CLIP2: variants seen among roughly 807,000 people sequenced by gnomAD.
CLIP2 encodes the protein CAP-Gly domain-containing linker protein 2.
Under a neutral mutation model 111.7 loss-of-function variants are expected in CLIP2, and 41 were observed. That is an observed-to-expected ratio of 0.37 (90% CI 0.29 to 0.48). CLIP2 has a LOEUF of 0.48. Among genes scored for constraint, CLIP2 ranks in the 20% least tolerant of loss-of-function variants. The pLI is 0.99. For missense variants in CLIP2, 1,160 were observed against 1,422.1 expected (o/e 0.82, Z 2.96); for synonymous variants, 660 against 644.2 (o/e 1.02, Z -0.37).
At chr7:74,341,570 C>T (rs924361793) in intron 3 of CLIP2, among the ~76,000 whole-genome samples, 1 of 151,910 alleles carries the variant, frequency 6.6e-6, no homozygotes, top group East Asian at 1.9e-4. Flanking sequence ...CCTGCCCTGG[C>T]CATGGTGAGG....
Position 74,376,792 on chromosome 7 carries a change from C to G in CLIP2, c.2391C>G (p.Val797=). 4 of 1,605,792 alleles carry G rather than the reference C, an allele frequency of 2.5e-6. No homozygotes were observed. Among genetic ancestry groups the G allele is most frequent in the South Asian group, 2.2e-5 (2 of 89,510 alleles). The change falls in exon 10 of 17, where the codon GTC becomes GTG. Residue 797 remains valine (V), a synonymous_variant. Transcript: ENST00000223398. This position sits in a 1 kb window ranked among gnomAD's most constrained non-coding sequence, Gnocchi z 7.1. ...LLVAENRLQA[V]EALCSSQHTH... is the part of the protein sequence containing the mutation. ...TGGCTGAGAACAGACTCCAGGCGGT[C>G]GAGGCCCTGTGCTCCTCCCAGCACA...
At chr7:74,309,018 C>A (rs1182351251) in intron 1 of CLIP2, among the ~76,000 whole-genome samples, 1 of 151,966 alleles carries the variant, frequency 6.6e-6, no homozygotes, top group Non-Finnish European at 1.5e-5. Context: ...CAGGCATGCA[C>A]CACCACACCT....
chr7:74,306,707 C>T (rs1246207526), intron 1 of CLIP2, among the ~76,000 whole-genome samples: 1 of 152,188 alleles, frequency 6.6e-6, no homozygotes, highest in Admixed American at 6.5e-5. Flanking sequence ...ACCCCGCCCT[C>T]GCCTGTCCGT....
intron 6 of CLIP2, among the ~76,000 whole-genome samples, chr7:74,359,504 C>T (rs1790257460): frequency 6.6e-6 from 1 of 151,804 alleles, no homozygotes; most frequent in East Asian, 1.9e-4. Context: ...CAGGAGCCCA[C>T]CACCACGCCC....
At chr7:74,352,027 C>T (rs554791041) in intron 3 of CLIP2, among the ~76,000 whole-genome samples, 4 of 152,128 alleles carry the variant, frequency 2.6e-5, no homozygotes, top group Admixed American at 6.6e-5. Flanking sequence ...GAGTGGGTCC[C>T]GGGAGAGACA....
At chr7:74,390,213 G>GAA (rs1174792363) in intron 13 of CLIP2, among the ~76,000 whole-genome samples, 2 of 95,978 alleles carry the variant, frequency 2.1e-5, no homozygotes, top group African/African-American at 7.7e-5. Flanking sequence ...AAGAAAGAAA[G>GAA]AAAGAAAGAA....
intron 2 of CLIP2, among the ~76,000 whole-genome samples, chr7:74,323,081 T>TTTTATTTATTTATTTA (rs58819810): frequency 6.9e-6 from 1 of 144,834 alleles, no homozygotes; most frequent in East Asian, 2.0e-4. Context: ...TTTAGCTATG[T>TTTTATTTATTTATTTA]TTTATTTATT....
Position 74,360,583 on chromosome 7 carries a change from C to T in CLIP2, c.1319+305C>T, listed in dbSNP as rs111282182. The stretch of plus-strand genomic sequence containing the variant: ...AAAATTTTTTTGAAACAGGGTCTCA[C>T]TCTGTCACCCAGGCTGGAGTACAGA... On this transcript the variant is annotated intron_variant, in intron 7 of 16. Transcript: ENST00000223398. Among the ~76,000 whole-genome samples the T allele has an allele frequency of 3.7e-3, 568 of 152,260 alleles. 2 individuals are homozygous for T. Among genetic ancestry groups the T allele is most frequent in the African/African-American group, 0.013 (549 of 41,546 alleles).
intron 6 of CLIP2, 111 bp downstream of exon 6, chr7:74,357,588 A>T: frequency 1.1e-6 from 1 of 931,736 alleles, no homozygotes; most frequent in Non-Finnish European, 1.6e-6. Context: ...TATGAAGATA[A>T]CACAAGCAGT....
chr7:74,357,318 G>T lies in CLIP2; in HGVS notation c.1056G>T (p.Ser352=), dbSNP rs781789814. 2 of 1,614,068 alleles carry T rather than the reference G, an allele frequency of 1.2e-6. No homozygotes were observed. Among genetic ancestry groups the T allele is most frequent in the East Asian group, 4.5e-5 (2 of 44,878 alleles). Residue 352 remains serine (S), a synonymous_variant, in exon 6 of 17, where the codon TCG becomes TCT. Coordinates refer to ENST00000223398, the MANE Select transcript of CLIP2 (RefSeq NM_003388.5). ...ETSSRYARKI[S]GTTALQEALK... is the part of the protein sequence containing the mutation. ...CTTCACGCTACGCCCGCAAGATCTCGGGCACCACGGCCTTGCAGGAGGCAC... is the reference window on the plus strand; with the variant it reads ...CTTCACGCTACGCCCGCAAGATCTCTGGCACCACGGCCTTGCAGGAGGCAC...
chr7:74,291,733 C>T (rs1367626521), intron 1 of CLIP2, among the ~76,000 whole-genome samples: 4 of 152,246 alleles, frequency 2.6e-5, no homozygotes, highest in South Asian at 4.1e-4. Flanking sequence ...AGCCCTGACC[C>T]GGCACCTGCT....
intron 15 of CLIP2, among the ~76,000 whole-genome samples, chr7:74,401,107 G>C (rs542037555): frequency 8.4e-4 from 127 of 151,814 alleles, no homozygotes; most frequent in Middle Eastern, 3.4e-3. Flanking sequence ...TGGTCTGAAG[G>C]GGGAGGCAGC....
intron 7 of CLIP2, among the ~76,000 whole-genome samples, chr7:74,363,083 C>A (rs1790378572): frequency 6.6e-6 from 1 of 151,942 alleles, no homozygotes; most frequent in African/African-American, 2.4e-5. Context: ...CAGCTCACCG[C>A]AACCTCTGCC....
At chr7:74,368,687 C>T (rs1554311306) in intron 8 of CLIP2, among the ~76,000 whole-genome samples, 1 of 152,136 alleles carries the variant, frequency 6.6e-6, no homozygotes, top group Non-Finnish European at 1.5e-5. Context: ...TCTTCTGTTC[C>T]TCCAAAGTCC....
intron 6 of CLIP2, 35 bp from the exon 7 acceptor site, chr7:74,360,140 T>C (rs1554309423): frequency 6.5e-7 from 1 of 1,544,902 alleles, no homozygotes; most frequent in East Asian, 2.4e-5. Context: ...CCCCGGAGCA[T>C]GCTGACCCTG....
intron 10 of CLIP2, among the ~76,000 whole-genome samples, chr7:74,379,245 C>T (rs1790874286): frequency 6.6e-6 from 1 of 151,806 alleles, no homozygotes; most frequent in Non-Finnish European, 1.5e-5. Context: ...ACAAGGATTA[C>T]TTGAACCCGG....
At chr7:74,307,825 GT>G (rs373566138) in intron 1 of CLIP2, among the ~76,000 whole-genome samples, 59 of 152,078 alleles carry the variant, frequency 3.9e-4, no homozygotes, top group African/African-American at 1.2e-3. Flanking sequence ...CTGCTGGGGG[GT>G]GGTTCAGGAG....
intron 3 of CLIP2, among the ~76,000 whole-genome samples, chr7:74,343,965 C>T (rs1789736071): frequency 6.6e-6 from 1 of 152,086 alleles, no homozygotes. Context: ...CTGCAAGGAG[C>T]TATGGCTGTG....
chr7:74,357,759 C>T (rs1554308798), intron 6 of CLIP2, among the ~76,000 whole-genome samples: 2 of 150,650 alleles, frequency 1.3e-5, no homozygotes, highest in South Asian at 2.1e-4. Flanking sequence ...ATTTTTCTTT[C>T]TTTCTTTTTT....
Sources: allele counts gnomAD v4.1 joint callset (sites outside exome capture counted in the v4.1 genomes callset), GRCh38; gene constraint gnomAD v4.1.1; non-coding constraint Gnocchi (gnomAD v3.1); transcripts MANE v1.5; gene names NCBI Gene and HGNC (gene_info 2026-07-23, HGNC 2026-07-21).